The following AOC3 variants were observed in gnomAD, a reference collection of about 807,000 sequenced individuals.
The protein encoded by AOC3 is amine oxidase [copper-containing] 3.
AOC3 carries 47 observed loss-of-function variants against 55.4 expected under a neutral mutation model. That is an observed-to-expected ratio of 0.85 (90% CI 0.67 to 1.08). The LOEUF (loss-of-function observed/expected upper bound fraction) is 1.08. Ranked by LOEUF, AOC3 falls within the 50% of genes least tolerant of loss-of-function variation. AOC3 has a pLI of 0.00. For missense variants in AOC3, 853 were observed against 993.1 expected, an observed-to-expected ratio of 0.86 and a Z score of 1.90; for synonymous variants, 386 against 410.7, an observed-to-expected ratio of 0.94 and a Z score of 0.73.
rs563476687 is a variant in AOC3 at position 42,856,138 on chromosome 17, T to C, written c.2017-137T>C. 3.5e-5 allele frequency: 37 copies of C among 1,045,268 alleles called. No homozygotes were observed. In the African/African-American group the frequency reaches 5.8e-4, roughly 16 times the overall value. 64.7% of individuals were successfully genotyped at this position (1,045,268 alleles called of 1,614,324 possible). ...CAGGTGTTCCTAATATGAAATGGACTACTTATGCTTTGACTCCTACCCAGC... is the reference window on the plus strand; with the variant it reads ...CAGGTGTTCCTAATATGAAATGGACCACTTATGCTTTGACTCCTACCCAGC... On this transcript the variant is annotated intron_variant, in intron 3 of 3. Coordinates refer to ENST00000308423, the MANE Select transcript of AOC3 (RefSeq NM_003734.4).
Position 42,856,358 on chromosome 17 carries a change from C to T in AOC3, c.2100C>T (p.Gly700=), listed in dbSNP as rs375236520. 11 of 1,614,078 alleles carry T rather than the reference C, an allele frequency of 6.8e-6. No homozygotes were observed. Among genetic ancestry groups the T allele is most frequent in the South Asian group, 5.5e-5 (5 of 91,092 alleles). The part of the protein sequence containing the change: ...DIPNTVTVGN[G]VGFFLRPYNF... ...CTAACACAGTGACTGTGGGGAACGGCGTGGGCTTCTTCCTCCGACCCTATA... is the reference window on the plus strand; with the variant it reads ...CTAACACAGTGACTGTGGGGAACGGTGTGGGCTTCTTCCTCCGACCCTATA... Residue 700 remains glycine (G), a synonymous_variant, in exon 4 of 4, where the codon GGC becomes GGT. Transcript: ENST00000308423.
Position 42,852,261 on chromosome 17 carries a change from G to C in AOC3, c.918G>C (p.Val306=), listed in dbSNP as rs35024801. 23,052 of 1,613,652 alleles carry C rather than the reference G, an allele frequency of 0.014. 1,108 individuals carry two copies. Among genetic ancestry groups the C allele is most frequent in the African/African-American group, 0.13 (9,586 of 74,890 alleles). Residue 306 remains valine (V), a synonymous_variant, in exon 1 of 4, where the codon GTG becomes GTC. Transcript: ENST00000308423. ...GGTCCTGGTCCCTGAAGTCCCCTGT[G>C]CCCCCGGGTCCAGCTCCCCCTCTAC... The part of the protein sequence containing the change: ...TGGSWSLKSP[V]PPGPAPPLQF...
chr17:42,856,499 C>G lies in AOC3; in HGVS notation c.2241C>G (p.Ala747=). The G allele has an allele frequency of 1.2e-6, 2 of 1,610,380 alleles. No homozygotes were observed. The highest frequency in any genetic ancestry group is 8.5e-7 in the Non-Finnish European group (1 of 1,177,516). ...NPLACLPQAA[A]CAPDLPAFSH... ...TAGCTTGCCTGCCCCAGGCTGCTGC[C>G]TGTGCCCCCGACCTCCCTGCCTTCT... The change falls in exon 4 of 4, where the codon GCC becomes GCG. Residue 747 remains alanine, a synonymous_variant. Coordinates refer to ENST00000308423, the MANE Select transcript of AOC3 (RefSeq NM_003734.4).
chr17:42,853,447 T>C, intron 1 of AOC3: 1 of 972,530 alleles, frequency 1.0e-6, no homozygotes, highest in Non-Finnish European at 1.2e-6. Flanking sequence ...ACAATTCACC[T>C]AAGTGTGAGG....
chr17:42,853,673 G>A (rs549123411), intron 1 of AOC3, among the ~76,000 whole-genome samples: 5 of 152,032 alleles, frequency 3.3e-5, no homozygotes, highest in South Asian at 2.1e-4. Flanking sequence ...CTGTCATGCC[G>A]TGCAGGTGCC....
intron 1 of AOC3, 72 bp from the exon 2 acceptor site, chr17:42,854,376 C>A: frequency 7.3e-7 from 1 of 1,372,752 alleles, no homozygotes. Context: ...CACTCTGAAG[C>A]CAGATGGGGG....
At chr17:42,853,753 C>T (rs1011391525) in intron 1 of AOC3, among the ~76,000 whole-genome samples, 1 of 152,200 alleles carries the variant, frequency 6.6e-6, no homozygotes, top group African/African-American at 2.4e-5. Flanking sequence ...CAGAGGGCCT[C>T]CCATCCACAC....
rs745678936 is a variant in AOC3, at chr17:42,852,149, G to A, written c.806G>A (p.Arg269His). The A allele has an allele frequency of 1.7e-5, 28 of 1,613,760 alleles. No homozygotes were observed. The highest frequency in any genetic ancestry group is 5.3e-5 in the African/African-American group (4 of 74,894). Reference sequence around the variant, plus strand: ...ATCCAGAAGGTGTTCTATCAAGGCCGCTACTACGACAGCCTGGCCCAGCTG... The same window carrying A: ...ATCCAGAAGGTGTTCTATCAAGGCCACTACTACGACAGCCTGGCCCAGCTG... ...WTIQKVFYQGRYYDSLAQLEA... is the reference protein window; with the variant it reads ...WTIQKVFYQGHYYDSLAQLEA... The change falls in exon 1 of 4, where the codon CGC (arginine) becomes CAC (histidine). Residue 269 changes from arginine to histidine, a missense_variant. Transcript: ENST00000308423.
chr17:42,855,321 C>CG, intron 2 of AOC3, 123 bp from the exon 3 acceptor site: 3 of 1,336,736 alleles, frequency 2.2e-6, no homozygotes, highest in Non-Finnish European at 3.1e-6. Flanking sequence ...GATTCTGTAG[C>CG]GCCGAGTCAG....
In AOC3 at chr17:42,851,907, G is replaced by T; in HGVS notation, c.564G>T (p.Leu188=). Residue 188 remains leucine (L), a synonymous_variant, in exon 1 of 4, where the codon CTG becomes CTT. Transcript: ENST00000308423. Reference sequence around the variant, plus strand: ...ACCAGATGATCTTCAACAGAGAGCTGCCCCAGGCTTCTGGGCTTCTCCACC... The same window carrying T: ...ACCAGATGATCTTCAACAGAGAGCTTCCCCAGGCTTCTGGGCTTCTCCACC... The part of the protein sequence containing the change: ...DIDQMIFNRE[L]PQASGLLHHC... 6.2e-7 allele frequency: 1 copy of T among 1,613,714 alleles called. No individual in the cohort carries two copies. Among genetic ancestry groups the T allele is most frequent in the Non-Finnish European group, 8.5e-7 (1 of 1,179,990 alleles).
rs1284945010 is a variant in AOC3 at position 42,851,832 on chromosome 17, C to A, written c.489C>A (p.Pro163=). ...RDVTVERHGG[P]LPYHRRPVLF... Reference sequence around the variant, plus strand: ...TGACTGTGGAGCGTCATGGAGGCCCCCTGCCCTATCACCGACGCCCCGTGC... The same window carrying A: ...TGACTGTGGAGCGTCATGGAGGCCCACTGCCCTATCACCGACGCCCCGTGC... The change falls in exon 1 of 4, where the codon CCC becomes CCA. Residue 163 remains proline (P), a synonymous_variant. Transcript: ENST00000308423. 1 of 1,613,622 alleles carries A rather than the reference C, an allele frequency of 6.2e-7. No homozygotes were observed. Among genetic ancestry groups the A allele is most frequent in the South Asian group, 1.1e-5 (1 of 91,088 alleles).
chr17:42,853,408 C>T (rs1454762641), intron 1 of AOC3: 5 of 995,622 alleles, frequency 5.0e-6, no homozygotes, highest in East Asian at 2.1e-4. Context: ...GATGGACCCT[C>T]CTCCCTGATT....
At chr17:42,853,428 T>C (rs903703991) in intron 1 of AOC3, 252 of 992,882 alleles carry the variant, frequency 2.5e-4, no homozygotes, top group Non-Finnish European at 2.8e-4. Context: ...TTTCCTTCTT[T>C]CTCTGGGCAC....
Position 42,852,904 on chromosome 17 carries a change from A to G in AOC3, c.1561A>G (p.Thr521Ala), listed in dbSNP as rs1322988229. 2.5e-6 allele frequency: 4 copies of G among 1,609,338 alleles called. No homozygotes were observed. The highest frequency in any genetic ancestry group is 3.4e-6 in the Non-Finnish European group (4 of 1,176,098). ...AGAGCACACCCTGGGCACGGTCCAC[A>G]CCCACAGCGCCCACTTCAAGGTGGA... ...VSEHTLGTVH[T>A]HSAHFKVDLD... Residue 521 changes from threonine to alanine, a missense_variant, in exon 1 of 4, where the codon ACC becomes GCC. By Grantham distance (58) the Thr-to-Ala change is moderately conservative. Transcript: ENST00000308423.
chr17:42,852,006 G>A lies in AOC3; in HGVS notation c.663G>A (p.Gly221=), dbSNP rs369121653. The A allele has an allele frequency of 3.9e-5, 63 of 1,613,838 alleles. No homozygotes were observed. The African/African-American group carries it at 7.2e-4, about 18-fold the overall frequency. The change falls in exon 1 of 4, where the codon GGG becomes GGA. Residue 221 remains glycine (G), a synonymous_variant. Coordinates refer to ENST00000308423, the MANE Select transcript of AOC3 (RefSeq NM_003734.4). ...MTTAPRGLQS[G]DRATWFGLYY... is the part of the protein sequence containing the mutation. ...CGGCTCCCCGTGGTCTGCAATCAGGGGACCGGGCCACCTGGTTTGGCCTCT... is the reference window on the plus strand; with the variant it reads ...CGGCTCCCCGTGGTCTGCAATCAGGAGACCGGGCCACCTGGTTTGGCCTCT...
chr17:42,856,065 A>G (rs2055744315), intron 3 of AOC3, among the ~76,000 whole-genome samples: 1 of 152,216 alleles, frequency 6.6e-6, no homozygotes, highest in African/African-American at 2.4e-5. Flanking sequence ...AATGGGCGAT[A>G]TGATGGGAAA....
chr17:42,853,161 A>G lies in AOC3; in HGVS notation c.1600+218A>G, dbSNP rs555284752. ...GCCTTCCTCTACGTGACCTCATCCAAAGATCTTGGGAAATGGCCGAGCTCA... is the reference window on the plus strand; with the variant it reads ...GCCTTCCTCTACGTGACCTCATCCAGAGATCTTGGGAAATGGCCGAGCTCA... On this transcript the variant is annotated intron_variant, in intron 1 of 3. Coordinates refer to ENST00000308423, the MANE Select transcript of AOC3 (RefSeq NM_003734.4). 1.9e-4 allele frequency: 261 copies of G among 1,384,512 alleles called. 2 individuals carry two copies. In the South Asian group the frequency reaches 3.5e-3, roughly 19 times the overall value. The allele number at this position is 1,384,512 out of a possible 1,614,324, so 85.8% of individuals were successfully genotyped here.
chr17:42,854,851 C>CA, intron 2 of AOC3, 118 bp downstream of exon 2: 3 of 731,936 alleles, frequency 4.1e-6, no homozygotes, highest in Non-Finnish European at 5.5e-6. Context: ...TTTTCTTTTC[C>CA]TTTTTTTTTT....
In AOC3 at chr17:42,854,471, G is replaced by A. The variant is rs773674085; in HGVS notation, c.1624G>A (p.Glu542Lys). Residue 542 changes from glutamate to lysine, a missense_variant, in exon 2 of 4, where the codon GAG becomes AAG. Physicochemically the swap from Glu to Lys is moderately conservative, Grantham distance 56. Transcript: ENST00000308423. ...AGGACTGGAGAACTGGGTCTGGGCC[G>A]AGGATATGGTCTTTGTCCCCATGGC... The part of the protein sequence containing the change: ...VAGLENWVWA[E>K]DMVFVPMAVP... 1.9e-5 allele frequency: 30 copies of A among 1,561,582 alleles called. No homozygotes were observed. Among genetic ancestry groups the A allele is most frequent in the South Asian group, 1.1e-4 (9 of 85,578 alleles).
Sources: gnomAD v4.1 joint callset for allele counts (sites outside exome capture counted in the v4.1 genomes callset) on GRCh38, gnomAD v4.1.1 for gene constraint, MANE v1.5 for transcripts, NCBI Gene and HGNC (gene_info 2026-07-23, HGNC 2026-07-21) for gene names.